Variants in DYNC2H1 observed in about 807,000 individuals in gnomAD.
DYNC2H1 encodes dynein cytoplasmic 2 heavy chain 1.
A neutral mutation model predicts 570.0 loss-of-function variants in DYNC2H1; 410 were observed. The ratio of observed to expected loss-of-function variants is 0.72; its 90% CI spans 0.66 to 0.78. The LOEUF is 0.78. Ranked by LOEUF, DYNC2H1 falls within the 30% of genes least tolerant of loss-of-function variation. The probability of loss-of-function intolerance (pLI) is 0.00; values close to 1 mark genes in which losing one functional copy is unlikely to be tolerated. For missense variants in DYNC2H1, 4,865 were observed against 5,046.4 expected, an observed-to-expected ratio of 0.96 and a Z score of 1.09; for synonymous variants, 1,688 against 1,677.6, an observed-to-expected ratio of 1.01 and a Z score of -0.15.
intron 83 of DYNC2H1, among the ~76,000 whole-genome samples, chr11:103,378,061 C>G (rs2243975): frequency 0.67 from 102,478 of 152,074 alleles, 34,628 homozygotes; most frequent in Admixed American, 0.73. Flanking sequence ...ACATTTTCTT[C>G]CAAAGATGTG....
chr11:103,170,978 ATC>A lies in DYNC2H1; in HGVS notation c.5246_5247del (p.Ser1749CysfsTer20), dbSNP rs769575892. The A allele has an allele frequency of 6.2e-7, 1 of 1,611,290 alleles. No homozygotes were observed. The highest frequency in any genetic ancestry group is 1.1e-5 in the South Asian group (1 of 90,700). Reference sequence around the variant, plus strand: ...TTGATGAATTTAATAGGCTGGAAGAATCTGTACTGTCAGCAGTTTCTATGCAA... The same window carrying A: ...TTGATGAATTTAATAGGCTGGAAGAATGTACTGTCAGCAGTTTCTATGCAA... ...CFDEFNRLEE[S>X]VLSAVSMQIQ... On this transcript the variant is annotated frameshift_variant, in exon 34 of 89. Coordinates refer to ENST00000375735, the MANE Select transcript of DYNC2H1 (RefSeq NM_001377.3). LOFTEE classifies it high-confidence loss of function. The surrounding 1 kb of genome is among the most constrained non-coding windows in gnomAD (Gnocchi z 4.8).
chr11:103,423,408 T>TAAAAAAAA (rs60223334), intron 84 of DYNC2H1, among the ~76,000 whole-genome samples: 3 of 120,502 alleles, frequency 2.5e-5, no homozygotes, highest in African/African-American at 2.7e-5. Flanking sequence ...GCCAAAAAAG[T>TAAAAAAAA]AAAAAAAAAA....
intron 78 of DYNC2H1, among the ~76,000 whole-genome samples, chr11:103,310,484 C>A (rs1468326660): frequency 6.6e-6 from 1 of 151,822 alleles, no homozygotes; most frequent in Non-Finnish European, 1.5e-5. Flanking sequence ...TTTGTATGAT[C>A]TTTAGTGTAG....
At chr11:103,142,364 TA>T (rs1313704981) in intron 17 of DYNC2H1, among the ~76,000 whole-genome samples, 2 of 152,148 alleles carry the variant, frequency 1.3e-5, no homozygotes, top group African/African-American at 2.4e-5. Context: ...TTTTATTTTT[TA>T]AAATAGTTGT....
intron 17 of DYNC2H1, among the ~76,000 whole-genome samples, chr11:103,142,057 T>A (rs1859971359): frequency 6.6e-6 from 1 of 152,200 alleles, no homozygotes. Flanking sequence ...TGAGGCCCAT[T>A]GGAAAAGTGT....
chr11:103,308,238 T>C (rs1472835586), intron 78 of DYNC2H1, among the ~76,000 whole-genome samples: 3 of 152,198 alleles, frequency 2.0e-5, no homozygotes, highest in Non-Finnish European at 4.4e-5. Context: ...GTTTGACTGC[T>C]TTAGCTACCT....
chr11:103,394,049 TC>T (rs1318666201), intron 83 of DYNC2H1, among the ~76,000 whole-genome samples: 1 of 152,122 alleles, frequency 6.6e-6, no homozygotes, highest in Non-Finnish European at 1.5e-5. Context: ...CCATATCAAC[TC>T]CCCTTCTCTT....
intron 73 of DYNC2H1, among the ~76,000 whole-genome samples, chr11:103,285,341 T>G (rs1411221846): frequency 6.6e-6 from 1 of 152,038 alleles, no homozygotes; most frequent in Non-Finnish European, 1.5e-5. Context: ...CTAAACTGAT[T>G]TAGCTGGTGA....
chr11:103,109,846 A>T, intron 1 of DYNC2H1, 77 bp downstream of exon 1: 1 of 1,449,376 alleles, frequency 6.9e-7, no homozygotes, highest in Non-Finnish European at 9.3e-7. Context: ...ACGTCGGGTC[A>T]CACTCTTTAG....
At chr11:103,371,275 G>T (rs1941134657) in intron 83 of DYNC2H1, among the ~76,000 whole-genome samples, 1 of 151,964 alleles carries the variant, frequency 6.6e-6, no homozygotes. Context: ...AAAGAAAAAA[G>T]AATTAAAAAC....
At chr11:103,219,387 G>A (rs999846392) in intron 55 of DYNC2H1, among the ~76,000 whole-genome samples, 3 of 152,224 alleles carry the variant, frequency 2.0e-5, no homozygotes, top group Admixed American at 2.0e-4. Context: ...GCTGAGGTGG[G>A]TGGGTCACAA....
rs974467160 is a variant in DYNC2H1, at chr11:103,439,006, T to G, written c.12456+2974T>G. Among the ~76,000 whole-genome samples, 3 of 152,142 alleles carry G rather than the reference T, an allele frequency of 2.0e-5. No individual in the cohort carries two copies. Among genetic ancestry groups the G allele is most frequent in the Non-Finnish European group, 2.9e-5 (2 of 68,004 alleles). On this transcript the variant is annotated intron_variant, in intron 85 of 88. Transcript: ENST00000375735. The surrounding 1 kb of genome is among the most constrained non-coding windows in gnomAD (Gnocchi z 4.1). ...AAAAAGATAATTCCGCAAATGTGATTAATACTTTCCTGGTGCCAAACACTG... is the reference window on the plus strand; with the variant it reads ...AAAAAGATAATTCCGCAAATGTGATGAATACTTTCCTGGTGCCAAACACTG...
chr11:103,184,531 T>C (rs1449149508), intron 40 of DYNC2H1, among the ~76,000 whole-genome samples: 1 of 151,908 alleles, frequency 6.6e-6, no homozygotes, highest in Non-Finnish European at 1.5e-5. Context: ...GTGCCATCAA[T>C]CTAGCTCTTG....
At chr11:103,227,019 G>T (rs969875096) in intron 59 of DYNC2H1, among the ~76,000 whole-genome samples, 5 of 151,960 alleles carry the variant, frequency 3.3e-5, no homozygotes, top group Admixed American at 6.6e-5. Flanking sequence ...GTATTTCTGT[G>T]GTGTCAGTTG....
At chr11:103,208,753 G>T (rs1205905271) in intron 52 of DYNC2H1, among the ~76,000 whole-genome samples, 1 of 151,984 alleles carries the variant, frequency 6.6e-6, no homozygotes, top group Non-Finnish European at 1.5e-5. Context: ...ATTATGTTAT[G>T]AATATGTTAA....
chr11:103,311,779 G>A, intron 78 of DYNC2H1, 99 bp from the exon 79 acceptor site: 1 of 1,244,108 alleles, frequency 8.0e-7, no homozygotes, highest in Non-Finnish European at 1.1e-6. Context: ...GGTAAGCAGT[G>A]AAAAATTTTC....
In DYNC2H1 at chr11:103,264,143, A is replaced by G. The variant is rs947112124; in HGVS notation, c.10695+4166A>G. ...ATTCCTGGACACATACACCCTCCCA[A>G]GACTAAACCAGGAAGAAGTCGAATC... On this transcript the variant is annotated intron_variant, in intron 70 of 88. Transcript: ENST00000375735. This position sits in a 1 kb window ranked among gnomAD's most constrained non-coding sequence, Gnocchi z 4.8. Among the ~76,000 whole-genome samples, 8 of 152,326 alleles carry G rather than the reference A, an allele frequency of 5.3e-5. No homozygotes were observed. The highest frequency in any genetic ancestry group is 1.4e-4 in the African/African-American group (6 of 41,570).
At chr11:103,188,122 C>T (rs539446660) in intron 43 of DYNC2H1, among the ~76,000 whole-genome samples, 1 of 151,876 alleles carries the variant, frequency 6.6e-6, no homozygotes, top group East Asian at 1.9e-4. Context: ...CAATTTTAGG[C>T]TTATTATGTA....
intron 70 of DYNC2H1, among the ~76,000 whole-genome samples, chr11:103,271,732 G>A (rs1439298621): frequency 6.6e-6 from 1 of 152,080 alleles, no homozygotes; most frequent in African/African-American, 2.4e-5. Context: ...GTTATACAGA[G>A]GAATAAACTA....
Sources: allele counts gnomAD v4.1 joint callset (sites outside exome capture counted in the v4.1 genomes callset), GRCh38; gene constraint gnomAD v4.1.1; non-coding constraint Gnocchi (gnomAD v3.1); transcripts MANE v1.5; gene names NCBI Gene and HGNC (gene_info 2026-07-23, HGNC 2026-07-21).